EPHA6: variants seen among roughly 807,000 people sequenced by gnomAD.
EPHA6 encodes the protein ephrin type-A receptor 6.
Under a neutral mutation model 112.0 loss-of-function variants are expected in EPHA6, and 50 were observed. The ratio of observed to expected loss-of-function variants is 0.45; its 90% CI spans 0.36 to 0.56. The LOEUF is 0.56. Ranked by LOEUF, EPHA6 falls within the 20% of genes least tolerant of loss-of-function variation. The pLI is 0.00. For missense variants in EPHA6, 1,280 were observed against 1,417.4 expected, an observed-to-expected ratio of 0.90 and a Z score of 1.56; for synonymous variants, 529 against 490.7, an observed-to-expected ratio of 1.08 and a Z score of -1.03.
At chr3:97,093,064 A>C (rs1380913545) in intron 3 of EPHA6, among the ~76,000 whole-genome samples, 1 of 152,100 alleles carries the variant, frequency 6.6e-6, no homozygotes, top group Admixed American at 6.6e-5. Context: ...TGACACAGTC[A>C]CCTTTATTCA....
At chr3:97,100,203 CACCT>C (rs1481965057) in intron 3 of EPHA6, among the ~76,000 whole-genome samples, 29 of 150,554 alleles carry the variant, frequency 1.9e-4, no homozygotes, top group African/African-American at 7.1e-4. Context: ...GAAATGCAGT[CACCT>C]AGAGATCAAA....
chr3:97,086,813 T>C (rs976977802), intron 3 of EPHA6, among the ~76,000 whole-genome samples: 4 of 152,136 alleles, frequency 2.6e-5, no homozygotes, highest in African/African-American at 4.8e-5. Context: ...TAATGAAGTA[T>C]CAATTTACAT....
intron 3 of EPHA6, among the ~76,000 whole-genome samples, chr3:97,103,457 A>T (rs956759032): frequency 6.6e-6 from 1 of 151,574 alleles, no homozygotes; most frequent in Non-Finnish European, 1.5e-5. Context: ...GTTGCATGTG[A>T]CATTATTTCT....
chr3:97,729,702 T>A (rs544787986), intron 15 of EPHA6, among the ~76,000 whole-genome samples: 198 of 6,528 alleles, frequency 0.03, 1 homozygote, highest in Admixed American at 0.07. Flanking sequence ...GCCTTATTTT[T>A]TCTTTTTCTT....
At chr3:97,532,627 A>G in intron 11 of EPHA6, 84 bp downstream of exon 11, 1 of 1,101,874 alleles carries the variant, frequency 9.1e-7, no homozygotes, top group Non-Finnish European at 1.3e-6. Flanking sequence ...TCATAATAAT[A>G]CCACAGTCAT....
chr3:96,919,137 C>A (rs1219557036), intron 2 of EPHA6, among the ~76,000 whole-genome samples: 1 of 151,794 alleles, frequency 6.6e-6, no homozygotes, highest in Non-Finnish European at 1.5e-5. Flanking sequence ...TGGAACGTAG[C>A]CGCTTTTAAT....
chr3:97,326,273 G>A (rs1213213487), intron 5 of EPHA6, among the ~76,000 whole-genome samples: 2 of 151,872 alleles, frequency 1.3e-5, no homozygotes, highest in Admixed American at 6.6e-5. Flanking sequence ...GAGTTTTAAT[G>A]TACAGATAGA....
In EPHA6 at chr3:97,514,138, T is replaced by G. The variant is rs1560088743; in HGVS notation, c.2201-18220T>G. Among the ~76,000 whole-genome samples the G allele has an allele frequency of 5.9e-5, 9 of 152,286 alleles. No individual in the cohort carries two copies. The South Asian group carries it at 1.9e-3, about 32-fold the overall frequency. ...TCAAAGTCAGAAATCCAAAATCAGA[T>G]TCACTGGCTAAAATCAGGGTGTTGG... On this transcript the variant is annotated intron_variant, in intron 10 of 17. Transcript: ENST00000389672.
chr3:96,985,571 A>T (rs892793044), intron 2 of EPHA6, among the ~76,000 whole-genome samples: 6 of 152,170 alleles, frequency 3.9e-5, no homozygotes, highest in African/African-American at 1.4e-4. Flanking sequence ...AATATCATGT[A>T]TATTCCCATG....
chr3:97,269,758 T>G (rs544938477), intron 5 of EPHA6, among the ~76,000 whole-genome samples: 2 of 151,986 alleles, frequency 1.3e-5, no homozygotes, highest in African/African-American at 2.4e-5. Flanking sequence ...AGTCATTCTC[T>G]TCCAACAAAG....
intron 2 of EPHA6, among the ~76,000 whole-genome samples, chr3:96,908,152 C>T (rs1168896243): frequency 6.6e-6 from 1 of 151,920 alleles, no homozygotes; most frequent in African/African-American, 2.4e-5. Flanking sequence ...ATGTGATATG[C>T]ACAATGTAAA....
chr3:97,649,949 T>C (rs2094095719), intron 14 of EPHA6, among the ~76,000 whole-genome samples: 1 of 152,146 alleles, frequency 6.6e-6, no homozygotes, highest in South Asian at 2.1e-4. Context: ...AAATGTTTGA[T>C]AGATTAATTC....
chr3:97,587,074 C>A (rs2093496824), intron 11 of EPHA6, among the ~76,000 whole-genome samples: 1 of 152,214 alleles, frequency 6.6e-6, no homozygotes, highest in East Asian at 1.9e-4. Context: ...AAAACCCTGT[C>A]TCTACTAAAA....
intron 2 of EPHA6, among the ~76,000 whole-genome samples, chr3:96,938,333 A>G (rs1463997270): frequency 9.2e-5 from 14 of 151,730 alleles, no homozygotes; most frequent in Non-Finnish European, 7.4e-5. Context: ...CATCCCTTGT[A>G]AGTTGGATTC....
At chr3:96,908,411 C>T (rs1259706835) in intron 2 of EPHA6, among the ~76,000 whole-genome samples, 1 of 151,936 alleles carries the variant, frequency 6.6e-6, no homozygotes, top group Non-Finnish European at 1.5e-5. Flanking sequence ...GCCCTCTCAC[C>T]AGTGATAGAA....
chr3:97,756,885 A>G lies in EPHA6; in HGVS notation c.*8184A>G, dbSNP rs1459662388. On this transcript the variant is annotated 3_prime_UTR_variant, in exon 18 of 18. Coordinates refer to ENST00000389672, the MANE Select transcript of EPHA6 (RefSeq NM_001080448.3). ...TGGATTGTGACATTGAAAAACATTG[A>G]ATATATACAGGATATAAATATCTTT... Among the ~76,000 whole-genome samples, 2 of 152,014 alleles carry G rather than the reference A, an allele frequency of 1.3e-5. No homozygotes were observed. The highest frequency in any genetic ancestry group is 3.9e-4 in the East Asian group (2 of 5,194).
chr3:96,979,822 T>C (rs1033639493), intron 2 of EPHA6, among the ~76,000 whole-genome samples: 1 of 152,264 alleles, frequency 6.6e-6, no homozygotes, highest in Non-Finnish European at 1.5e-5. Context: ...CATTTTTTCA[T>C]GTGCCTTTTG....
At chr3:97,279,894 G>GTT (rs200191899) in intron 5 of EPHA6, among the ~76,000 whole-genome samples, 2 of 151,618 alleles carry the variant, frequency 1.3e-5, no homozygotes, top group African/African-American at 4.8e-5. Flanking sequence ...GTTTGTTTTT[G>GTT]TTTTTTTTGA....
chr3:96,837,427 G>T (rs1361376941), intron 1 of EPHA6, among the ~76,000 whole-genome samples: 1 of 152,056 alleles, frequency 6.6e-6, no homozygotes, highest in African/African-American at 2.4e-5. Context: ...GGGAGAATCA[G>T]CAGTAAAGGG....
Sources: allele counts gnomAD v4.1 joint callset (sites outside exome capture counted in the v4.1 genomes callset), GRCh38; gene constraint gnomAD v4.1.1; transcripts MANE v1.5; gene names NCBI Gene and HGNC (gene_info 2026-07-23, HGNC 2026-07-21).